TPGS2: variants seen among roughly 807,000 people sequenced by gnomAD.
The protein encoded by TPGS2 is tubulin polyglutamylase complex subunit 2.
Under a neutral mutation model 31.1 loss-of-function variants are expected in TPGS2, and 26 were observed. That is an observed-to-expected ratio of 0.84 (90% confidence interval 0.61 to 1.16). The LOEUF (loss-of-function observed/expected upper bound fraction) is 1.16. Among genes scored for constraint, TPGS2 ranks in the 50% most tolerant of loss-of-function variants. The pLI is 0.00. For synonymous variants in TPGS2, 130 were observed against 136.6 expected (o/e 0.95, Z 0.34); for missense variants, 351 against 363.8 (o/e 0.96, Z 0.29).
chr18:36,810,966 C>T (rs149802627), intron 2 of TPGS2, among the ~76,000 whole-genome samples: 95 of 152,272 alleles, frequency 6.2e-4, no homozygotes, highest in African/African-American at 2.3e-3. Flanking sequence ...TTTTAGAGGC[C>T]ACTTCCCAAC....
chr18:36,810,888 G>C (rs2045393506), intron 2 of TPGS2, among the ~76,000 whole-genome samples: 1 of 152,100 alleles, frequency 6.6e-6, no homozygotes, highest in African/African-American at 2.4e-5. Flanking sequence ...AAGGGCTAGG[G>C]GCTGTCCATT....
At chr18:36,815,465 A>G (rs193274399) in intron 2 of TPGS2, among the ~76,000 whole-genome samples, 1 of 152,276 alleles carries the variant, frequency 6.6e-6, no homozygotes, top group East Asian at 1.9e-4. Context: ...CCTCCCAAAA[A>G]AAACATATCT....
intron 4 of TPGS2, among the ~76,000 whole-genome samples, chr18:36,802,847 T>G (rs538983944): frequency 6.6e-6 from 1 of 152,196 alleles, no homozygotes; most frequent in Admixed American, 6.5e-5. Context: ...AGAATGGTCT[T>G]GATCTCCTGA....
chr18:36,782,842 T>C (rs756466713), downstream of TPGS2: 43 of 366,932 alleles, frequency 1.2e-4, no homozygotes, highest in Non-Finnish European at 1.6e-4. Flanking sequence ...AATGAACGTT[T>C]GAAAAATGCC....
intron 2 of TPGS2, among the ~76,000 whole-genome samples, chr18:36,813,645 C>T (rs2045527266): frequency 6.6e-6 from 1 of 152,216 alleles, no homozygotes; most frequent in African/African-American, 2.4e-5. Flanking sequence ...CTATCTGGTC[C>T]TCTAACGAAA....
chr18:36,794,813 A>ACAGT lies in TPGS2; in HGVS notation c.*1988_*1991dup. On this transcript the variant is annotated 3_prime_UTR_variant, in exon 7 of 7. Coordinates refer to ENST00000334295, the MANE Select transcript of TPGS2 (RefSeq NM_015476.4). ...CAAAATGTCTCCTAGAGAATATGTG[A>ACAGT]CAGTCATGTTATGGTTAAAACACAC... 2.0e-6 allele frequency: 2 copies of ACAGT among 982,204 alleles called. No individual in the cohort carries two copies. The highest frequency in any genetic ancestry group is 2.4e-6 in the Non-Finnish European group (2 of 829,626). The allele number at this position is 982,204 out of a possible 1,614,324, so 60.8% of individuals were successfully genotyped here.
At chr18:36,782,986 G>A in exon 7 of TPGS2, 1 of 398,028 alleles carries the variant, frequency 2.5e-6, no homozygotes, top group Non-Finnish European at 4.4e-6. Context: ...TGAACCCAGA[G>A]CCCTGTCCAC....
At position 36,796,112 on chromosome 18, in the gene TPGS2, G is replaced by T; in HGVS notation, c.*693C>A. The stretch of plus-strand genomic sequence containing the variant: ...CTTTATAGGAAGCTGCAAAAGAAAT[G>T]AGCAGAGCGAGATATTTGTGGTAAG... On this transcript the variant is annotated 3_prime_UTR_variant, in exon 7 of 7. Transcript: ENST00000334295. 1 of 985,442 alleles carries T rather than the reference G, an allele frequency of 1.0e-6. No homozygotes were observed. The highest frequency in any genetic ancestry group is 1.2e-6 in the Non-Finnish European group (1 of 829,944). The allele number at this position is 985,442 out of a possible 1,614,324, so 61.0% of individuals were successfully genotyped here. A position where few individuals can be genotyped will look rare whatever the true frequency, so the allele number is the denominator to read the frequency against.
chr18:36,790,583 T>C (rs1310470072), downstream of TPGS2, among the ~76,000 whole-genome samples: 2 of 152,172 alleles, frequency 1.3e-5, no homozygotes, highest in Admixed American at 1.3e-4. Context: ...CAAGAGGCAG[T>C]CTGGGAGACA....
chr18:36,817,770 A>C (rs1272364022), intron 2 of TPGS2: 2 of 152,130 alleles, frequency 1.3e-5, no homozygotes, highest in African/African-American at 4.8e-5. Context: ...CTGTTTCTTC[A>C]TCTATAAAAT....
At position 36,795,289 on chromosome 18, in the gene TPGS2, A is replaced by G; in HGVS notation, c.*1516T>C. The G allele has an allele frequency of 1.0e-6, 1 of 985,514 alleles. No homozygotes were observed. Among genetic ancestry groups the G allele is most frequent in the Non-Finnish European group, 1.2e-6 (1 of 829,980 alleles). The allele number at this position is 985,514 out of a possible 1,614,324, so 61.0% of individuals were successfully genotyped here. A position where few individuals can be genotyped will look rare whatever the true frequency, so the allele number is the denominator to read the frequency against. ...GGAAGAGGGAAACCCTGGGTCGATTAGCAGGTAGACAGTGCAAAGGAAGGA... is the reference window on the plus strand; with the variant it reads ...GGAAGAGGGAAACCCTGGGTCGATTGGCAGGTAGACAGTGCAAAGGAAGGA... On this transcript the variant is annotated 3_prime_UTR_variant, in exon 7 of 7. Coordinates refer to ENST00000334295, the MANE Select transcript of TPGS2 (RefSeq NM_015476.4).
chr18:36,786,096 A>G (rs1439931685), intron 6 of TPGS2, among the ~76,000 whole-genome samples: 1 of 152,246 alleles, frequency 6.6e-6, no homozygotes, highest in East Asian at 1.9e-4. Context: ...AAGCAGAGAC[A>G]GGAAGGCACT....
chr18:36,781,881 G>A (rs1372911394), downstream of TPGS2: 8 of 985,258 alleles, frequency 8.1e-6, no homozygotes, highest in African/African-American at 1.7e-5. Flanking sequence ...TGGAACTTGC[G>A]AGAGTTGGGT....
downstream of TPGS2, chr18:36,780,067 CT>C: frequency 9.2e-7 from 1 of 1,090,432 alleles, no homozygotes; most frequent in Non-Finnish European, 1.2e-6. Context: ...TAATGAGAAA[CT>C]TTTATTCTTC....
In TPGS2 at chr18:36,784,194, G is replaced by C. The variant is rs370983381; in HGVS notation, c.658-1063C>G. Among the ~76,000 whole-genome samples, 9 of 152,314 alleles carry C rather than the reference G, an allele frequency of 5.9e-5. No individual in the cohort carries two copies. The South Asian group carries it at 1.5e-3, about 25-fold the overall frequency. On this transcript the variant is annotated intron_variant, in intron 6 of 6. Transcript: ENST00000587129. ...TCTGTTGTTATAAACCACCAAGCTT[G>C]TGGTGATTCCTCACGGTATCCTCTA...
chr18:36,786,783 G>A lies in TPGS2; in HGVS notation c.658-3652C>T, dbSNP rs931588118. 3 of 1,232,326 alleles carry A rather than the reference G, an allele frequency of 2.4e-6. No individual in the cohort carries two copies. The African/African-American group carries it at 4.7e-5, about 19-fold the overall frequency. The allele number at this position is 1,232,326 out of a possible 1,614,324, so 76.3% of individuals were successfully genotyped here. On this transcript the variant is annotated intron_variant, in intron 6 of 6. Transcript: ENST00000587129. The stretch of plus-strand genomic sequence containing the variant: ...CTCTGGAGTCCCCTTGGCCAGCAGA[G>A]AGTCTGTTCACTTGGTTGGAGAGTT...
chr18:36,814,476 G>A (rs1416589152), intron 2 of TPGS2, among the ~76,000 whole-genome samples: 1 of 152,084 alleles, frequency 6.6e-6, no homozygotes, highest in Non-Finnish European at 1.5e-5. Flanking sequence ...TTTAGGTTTC[G>A]GTTGTCAATC....
intron 6 of TPGS2, among the ~76,000 whole-genome samples, chr18:36,797,521 T>C (rs555974063): frequency 7.9e-4 from 119 of 151,002 alleles, no homozygotes; most frequent in Non-Finnish European, 4.4e-5. Flanking sequence ...CCTACTGTTT[T>C]TTTTTTTTGG....
chr18:36,821,410 A>G (rs2045890625), intron 1 of TPGS2, among the ~76,000 whole-genome samples: 1 of 152,194 alleles, frequency 6.6e-6, no homozygotes. Flanking sequence ...CAGAACTGGG[A>G]GAGACAGTTA....
Sources: gnomAD v4.1 joint callset for allele counts (sites outside exome capture counted in the v4.1 genomes callset) on GRCh38, gnomAD v4.1.1 for gene constraint, MANE v1.5 for transcripts, NCBI Gene and HGNC (gene_info 2026-07-23, HGNC 2026-07-21) for gene names.